The following RUNX1 variants were observed in gnomAD, a reference collection of about 807,000 sequenced individuals.
The protein encoded by RUNX1 is runt-related transcription factor 1.
RUNX1 carries 19 observed loss-of-function variants against 42.8 expected under a neutral mutation model. The observed-to-expected ratio is 0.44, with a 90% confidence interval of 0.31 to 0.65. The LOEUF (loss-of-function observed/expected upper bound fraction) is 0.65. Ranked by LOEUF, RUNX1 falls within the 30% of genes least tolerant of loss-of-function variation. The pLI is 0.07. For missense variants in RUNX1, 528 were observed against 672.0 expected, an observed-to-expected ratio of 0.79 and a Z score of 2.37; for synonymous variants, 271 against 289.4, an observed-to-expected ratio of 0.94 and a Z score of 0.64.
intron 7 of RUNX1, among the ~76,000 whole-genome samples, chr21:34,803,010 C>T (rs1349554414): frequency 6.6e-6 from 1 of 152,134 alleles, no homozygotes; most frequent in African/African-American, 2.4e-5. Context: ...AAAAGAAATC[C>T]ATGCCAAGGG....
intron 2 of RUNX1, among the ~76,000 whole-genome samples, chr21:34,988,994 A>ATCTCTCTCTC (rs905748186): frequency 1.5e-5 from 2 of 134,824 alleles, no homozygotes; most frequent in African/African-American, 6.5e-5. Flanking sequence ...GCTGGCCCAG[A>ATCTCTCTCTC]TCTCTCTCTC....
chr21:34,931,053 G>T (rs2058440699), intron 2 of RUNX1, among the ~76,000 whole-genome samples: 2 of 152,060 alleles, frequency 1.3e-5, no homozygotes. Context: ...GCCGGAATCA[G>T]ATGGGTTTTG....
rs990038627 is a variant in RUNX1, at chr21:34,942,047, C to T, written c.59-49084G>A. The stretch of plus-strand genomic sequence containing the variant: ...GTACCTTCAAACTTTATGAATGTCT[C>T]GGCCACCCCCTGCTGCATCCATCAA... On this transcript the variant is annotated intron_variant, in intron 2 of 8. Coordinates refer to ENST00000675419, the MANE Select transcript of RUNX1 (RefSeq NM_001754.5). Among the ~76,000 whole-genome samples, 11 of 152,134 alleles carry T rather than the reference C, an allele frequency of 7.2e-5. No individual in the cohort carries two copies. The Middle Eastern group carries it at 0.01, about 142-fold the overall frequency.
intron 2 of RUNX1, among the ~76,000 whole-genome samples, chr21:34,944,053 G>A (rs2058547383): frequency 6.6e-6 from 1 of 152,124 alleles, no homozygotes; most frequent in Non-Finnish European, 1.5e-5. Flanking sequence ...CTGTCACCCA[G>A]GCTGGAGTGC....
At chr21:34,819,782 C>T (rs913694046) in intron 7 of RUNX1, among the ~76,000 whole-genome samples, 2 of 152,214 alleles carry the variant, frequency 1.3e-5, no homozygotes, top group African/African-American at 4.8e-5. Context: ...CTCCTGGCCT[C>T]GGCCTGCCAA....
At chr21:35,044,516 T>C (rs771575104) in intron 2 of RUNX1, among the ~76,000 whole-genome samples, 3 of 152,158 alleles carry the variant, frequency 2.0e-5, no homozygotes, top group Non-Finnish European at 4.4e-5. Flanking sequence ...ACTCTGCAGA[T>C]GAGGAAACTA....
At chr21:35,037,800 T>C (rs1217081305) in intron 2 of RUNX1, among the ~76,000 whole-genome samples, 1 of 152,250 alleles carries the variant, frequency 6.6e-6, no homozygotes, top group Non-Finnish European at 1.5e-5. Flanking sequence ...GCCTTGCGCA[T>C]AGCATATGCT....
intron 5 of RUNX1, among the ~76,000 whole-genome samples, chr21:34,869,228 A>G (rs980360265): frequency 6.6e-6 from 1 of 152,178 alleles, no homozygotes; most frequent in African/African-American, 2.4e-5. Context: ...AACATCATCA[A>G]GAGGGGCCCT....
chr21:34,867,168 G>A (rs950009637), intron 5 of RUNX1, among the ~76,000 whole-genome samples: 2 of 151,912 alleles, frequency 1.3e-5, no homozygotes, highest in South Asian at 2.1e-4. Flanking sequence ...AGGCCAAGAC[G>A]GGAGGATCAC....
chr21:34,907,205 T>A lies in RUNX1; in HGVS notation c.59-14242A>T, dbSNP rs373767601. Among the ~76,000 whole-genome samples the A allele has an allele frequency of 2.0e-4, 30 of 152,166 alleles. No homozygotes were observed. The South Asian group carries it at 4.6e-3, about 23-fold the overall frequency. On this transcript the variant is annotated intron_variant, in intron 2 of 8. Coordinates refer to ENST00000675419, the MANE Select transcript of RUNX1 (RefSeq NM_001754.5). The surrounding 1 kb of genome is among the most constrained non-coding windows in gnomAD (Gnocchi z 5.3). ...CAGCAAGAAAACCTAAACAGGAGAA[T>A]CCCACTTAGCATCTGCCCACAGGTA...
intron 2 of RUNX1, among the ~76,000 whole-genome samples, chr21:34,985,086 T>C (rs1268776829): frequency 6.6e-6 from 1 of 152,202 alleles, no homozygotes; most frequent in Admixed American, 6.5e-5. Flanking sequence ...ATTCCAATAA[T>C]ACTTAGAAGA....
chr21:35,022,669 C>T (rs1484809666), intron 2 of RUNX1, among the ~76,000 whole-genome samples: 1 of 151,900 alleles, frequency 6.6e-6, no homozygotes, highest in Non-Finnish European at 1.5e-5. Context: ...CTGAGGCGGG[C>T]GGATCATCTG....
At chr21:34,995,009 G>A (rs577282240) in intron 2 of RUNX1, among the ~76,000 whole-genome samples, 5 of 152,248 alleles carry the variant, frequency 3.3e-5, no homozygotes, top group Non-Finnish European at 7.3e-5. Context: ...AGAAGTCTAG[G>A]AGAACATGAA....
At chr21:34,868,449 G>A (rs1410512365) in intron 5 of RUNX1, among the ~76,000 whole-genome samples, 2 of 152,080 alleles carry the variant, frequency 1.3e-5, no homozygotes, top group East Asian at 1.9e-4. Flanking sequence ...GGCAATCCCC[G>A]CCCTATCTCT....
At chr21:34,812,176 T>C (rs1292233655) in intron 7 of RUNX1, among the ~76,000 whole-genome samples, 2 of 152,226 alleles carry the variant, frequency 1.3e-5, no homozygotes, top group Admixed American at 1.3e-4. Context: ...CCAAGGGGAA[T>C]CACTATCACT....
chr21:34,887,330 C>T (rs1601530461), intron 3 of RUNX1: 3 of 1,448,512 alleles, frequency 2.1e-6, no homozygotes, highest in Non-Finnish European at 1.8e-6. Context: ...GCGGATCGGC[C>T]TCTGACCCAG....
chr21:34,866,063 G>A (rs1360398461), intron 5 of RUNX1, among the ~76,000 whole-genome samples: 3 of 152,118 alleles, frequency 2.0e-5, no homozygotes, highest in Non-Finnish European at 4.4e-5. Flanking sequence ...CTCTGTTCCT[G>A]TCACTCTCCT....
At chr21:35,001,738 G>C (rs912526132) in intron 2 of RUNX1, among the ~76,000 whole-genome samples, 2 of 152,112 alleles carry the variant, frequency 1.3e-5, no homozygotes, top group African/African-American at 4.8e-5. Flanking sequence ...ATTATATGTA[G>C]AAAACTCTAA....
intron 7 of RUNX1, among the ~76,000 whole-genome samples, chr21:34,800,340 A>T (rs2056591363): frequency 6.6e-6 from 1 of 152,250 alleles, no homozygotes; most frequent in Admixed American, 6.5e-5. Flanking sequence ...TCTTAGGCAA[A>T]TGTGTAAGGA....
Sources: gnomAD v4.1 joint callset for allele counts (sites outside exome capture counted in the v4.1 genomes callset) on GRCh38, gnomAD v4.1.1 for gene constraint, Gnocchi (gnomAD v3.1) non-coding constraint, MANE v1.5 for transcripts, NCBI Gene and HGNC (gene_info 2026-07-23, HGNC 2026-07-21) for gene names.